MADD: variants seen among roughly 807,000 people sequenced by gnomAD.
MADD encodes the protein MAP kinase-activating death domain protein.
Under a neutral mutation model 176.7 loss-of-function variants are expected in MADD, and 109 were observed. The ratio of observed to expected loss-of-function variants is 0.62; its 90% CI spans 0.53 to 0.72. The LOEUF is 0.72. Among genes scored for constraint, MADD ranks in the 30% least tolerant of loss-of-function variants. The probability of loss-of-function intolerance (pLI) is 0.00; values close to 1 mark genes in which losing one functional copy is unlikely to be tolerated. For synonymous variants in MADD, 771 were observed against 771.3 expected (o/e 1.00, Z 0.01); for missense variants, 1,914 against 2,045.5 (o/e 0.94, Z 1.24).
intron 22 of MADD, among the ~76,000 whole-genome samples, chr11:47,299,855 C>G (rs1195308422): frequency 6.6e-6 from 1 of 152,124 alleles, no homozygotes; most frequent in South Asian, 2.1e-4. Context: ...GTTTGACTTC[C>G]TTCTGTCCAA....
chr11:47,290,217 G>C, exon 18 of MADD: 1 of 1,614,198 alleles, frequency 6.2e-7, no homozygotes, highest in Non-Finnish European at 8.5e-7. Flanking sequence ...GCTTGGAGCA[G>C]TCCTATGCCC....
chr11:47,304,584 G>T (rs1424061900), intron 22 of MADD, among the ~76,000 whole-genome samples: 3 of 151,722 alleles, frequency 2.0e-5, no homozygotes, highest in Non-Finnish European at 4.4e-5. Flanking sequence ...CAAGATTTCT[G>T]TTTTTTTGTT....
chr11:47,299,655 G>A (rs1458210888), intron 22 of MADD, among the ~76,000 whole-genome samples: 3 of 91,168 alleles, frequency 3.3e-5, no homozygotes, highest in Admixed American at 1.4e-4. Context: ...TCAGTCTCCC[G>A]AGTAGCTGGG....
At chr11:47,298,005 G>A (rs1304623726) in intron 22 of MADD, among the ~76,000 whole-genome samples, 1 of 151,536 alleles carries the variant, frequency 6.6e-6, no homozygotes, top group Non-Finnish European at 1.5e-5. Flanking sequence ...AGCCAGGATG[G>A]TATCAATCTC....
rs2048144576 is a variant in MADD at position 47,274,640 on chromosome 11, C to T, written c.140C>T (p.Pro47Leu). Residue 47 changes from proline to leucine, a missense_variant, in exon 3 of 33, where the codon CCC becomes CTC. Coordinates refer to ENST00000402192, the Ensembl canonical transcript of MADD. ...CCCTTGGAGGATCACACTGAGTTTCCCCTGCCCCCAGATGTAGTGTTCTTC... is the reference window on the plus strand; with the variant it reads ...CCCTTGGAGGATCACACTGAGTTTCTCCTGCCCCCAGATGTAGTGTTCTTC... 2.5e-6 allele frequency: 4 copies of T among 1,614,186 alleles called. No individual in the cohort carries two copies. Among genetic ancestry groups the T allele is most frequent in the Non-Finnish European group, 2.5e-6 (3 of 1,180,032 alleles).
intron 15 of MADD, 55 bp downstream of exon 16, chr11:47,289,082 G>A (rs1250615901): frequency 6.6e-7 from 1 of 1,504,530 alleles, no homozygotes; most frequent in African/African-American, 1.4e-5. Context: ...AGCATCTTCT[G>A]TGCCTGCCCG....
chr11:47,275,382 C>A (rs1302000425), intron 3 of MADD, among the ~76,000 whole-genome samples: 1 of 152,204 alleles, frequency 6.6e-6, no homozygotes, highest in South Asian at 2.1e-4. Flanking sequence ...ACCCCTGCCT[C>A]CTGGGTTCAA....
At chr11:47,307,414 G>A (rs1203633552) in intron 22 of MADD, among the ~76,000 whole-genome samples, 3 of 152,122 alleles carry the variant, frequency 2.0e-5, no homozygotes, top group South Asian at 2.1e-4. Context: ...GAGCTGCTGA[G>A]TGTAGCGACC....
intron 22 of MADD, among the ~76,000 whole-genome samples, chr11:47,296,761 G>GTTTTTTTT (rs1386329077): frequency 8.6e-6 from 1 of 116,106 alleles, no homozygotes. Flanking sequence ...TCTGTTTTTT[G>GTTTTTTTT]TTGTTTTTTT....
At chr11:47,283,187 G>A (rs11039163) in intron 10 of MADD, among the ~76,000 whole-genome samples, 58 of 152,150 alleles carry the variant, frequency 3.8e-4, no homozygotes, top group African/African-American at 1.3e-3. Context: ...TCCGCCTCCC[G>A]GCTTCATGCC....
intron 8 of MADD, 38 bp from the exon 9 acceptor site, chr11:47,282,343 C>CT (rs1217014020): frequency 6.4e-7 from 1 of 1,565,342 alleles, no homozygotes; most frequent in Non-Finnish European, 8.8e-7. Context: ...AATCCTTACC[C>CT]TATGGGTCTC....
intron 3 of MADD, 146 bp downstream of exon 3, chr11:47,275,305 T>A: frequency 1.3e-6 from 1 of 792,004 alleles, no homozygotes; most frequent in Non-Finnish European, 2.0e-6. Flanking sequence ...TAATCTTTTT[T>A]CTTTTGGAGA....
At chr11:47,307,749 A>T in intron 22 of MADD, among the ~76,000 whole-genome samples, 1 of 151,704 alleles carries the variant, frequency 6.6e-6, no homozygotes, top group Non-Finnish European at 1.5e-5. Flanking sequence ...GCTCACTGCA[A>T]CCTCCGCCTC....
Position 47,329,124 on chromosome 11 carries a change from A to G in MADD, c.4738A>G (p.Thr1580Ala), listed in dbSNP as rs552599871. The change falls in exon 33 of 33, where the codon ACC becomes GCC. Residue 1580 changes from threonine (T) to alanine (A), a missense_variant. By Grantham distance (58) the Thr-to-Ala change is moderately conservative. Coordinates refer to ENST00000402192, the Ensembl canonical transcript of MADD. ...TCATAGCAGTGAGGAAGATCTCAGA[A>G]CCCCGCCCCGGCCTGTCTCTAGCTG... The G allele has an allele frequency of 1.9e-6, 3 of 1,613,656 alleles. No individual in the cohort carries two copies. The Admixed American group carries it at 5.0e-5, about 27-fold the overall frequency.
intron 15 of MADD, 50 bp from the exon 17 acceptor site, chr11:47,289,341 C>G (rs1220171713): frequency 6.9e-7 from 1 of 1,445,236 alleles, no homozygotes. Context: ...CTGGCATGAG[C>G]TCCTGTACTA....
chr11:47,325,997 ACCT>A lies in MADD; in HGVS notation c.4543-737_4543-735del, dbSNP rs760873610. On this transcript the variant is annotated intron_variant, in intron 30 of 32. Coordinates refer to ENST00000402192, the Ensembl canonical transcript of MADD. The surrounding 1 kb of genome is among the most constrained non-coding windows in gnomAD (Gnocchi z 4.5). Reference sequence around the variant, plus strand: ...TCAGTTGGAGTGGAGGAGGCAGCAGACCTCCTGGTGGAGCTGTGCAGTCTGGGG... The same window carrying A: ...TCAGTTGGAGTGGAGGAGGCAGCAGACCTGGTGGAGCTGTGCAGTCTGGGG... Among the ~76,000 whole-genome samples the A allele has an allele frequency of 6.6e-6, 1 of 152,074 alleles. No homozygotes were observed. The highest frequency in any genetic ancestry group is 1.5e-5 in the Non-Finnish European group (1 of 68,004).
At chr11:47,295,642 T>C in intron 21 of MADD, 63 bp downstream of exon 23, 3 of 1,608,194 alleles carry the variant, frequency 1.9e-6, no homozygotes, top group Non-Finnish European at 2.5e-6. Context: ...TGGAAAAGGG[T>C]GCTACTTTCT....
At chr11:47,291,885 C>T (rs1333709304) in intron 19 of MADD, among the ~76,000 whole-genome samples, 3 of 152,206 alleles carry the variant, frequency 2.0e-5, no homozygotes, top group Admixed American at 6.5e-5. Context: ...GTCTGCTTTT[C>T]CCTATGAAGA....
exon 4 of MADD, chr11:47,276,007 C>T (rs2049503361): frequency 6.2e-7 from 1 of 1,614,214 alleles, no homozygotes; most frequent in Non-Finnish European, 8.5e-7. Context: ...GATTGCTGCG[C>T]TCCCCAGTAC....
Sources: allele counts gnomAD v4.1 joint callset (sites outside exome capture counted in the v4.1 genomes callset), GRCh38; gene constraint gnomAD v4.1.1; non-coding constraint Gnocchi (gnomAD v3.1); transcripts MANE v1.5; gene names NCBI Gene and HGNC (gene_info 2026-07-23, HGNC 2026-07-21).